FBXO36: variants seen among roughly 807,000 people sequenced by gnomAD.
The protein encoded by FBXO36 is F-box protein 36.
Under a neutral mutation model 17.0 loss-of-function variants are expected in FBXO36, and 18 were observed. The ratio of observed to expected loss-of-function variants is 1.06; its 90% CI spans 0.73 to 1.57. The LOEUF (loss-of-function observed/expected upper bound fraction) is 1.57. Among genes scored for constraint, FBXO36 ranks in the 40% most tolerant of loss-of-function variants. The probability of loss-of-function intolerance (pLI) is 0.00; values close to 1 mark genes in which losing one functional copy is unlikely to be tolerated. For missense variants in FBXO36, 229 were observed against 221.9 expected (o/e 1.03, Z -0.20); for synonymous variants, 83 against 85.3 (o/e 0.97, Z 0.15).
At chr2:229,935,055 G>A (rs950494532) in intron 1 of FBXO36, among the ~76,000 whole-genome samples, 2 of 152,166 alleles carry the variant, frequency 1.3e-5, no homozygotes, top group Non-Finnish European at 2.9e-5. Context: ...ACCCTCAAAT[G>A]TGTTATATGC....
chr2:229,989,639 G>A (rs1473407850), intron 2 of FBXO36, among the ~76,000 whole-genome samples: 2 of 151,394 alleles, frequency 1.3e-5, no homozygotes, highest in Admixed American at 6.6e-5. Flanking sequence ...TCAGCTCACT[G>A]CAACCTCTGC....
rs5839351 is a variant in FBXO36, at chr2:230,011,598, C to CTTTTTTTTTTTTTTTT, written c.*716_*731dup. The CTTTTTTTTTTTTTTTT allele has an allele frequency of 9.6e-3, 1,187 of 123,086 alleles. No homozygotes were observed. The highest frequency in any genetic ancestry group is 0.012 in the Non-Finnish European group (771 of 61,762). 7.6% of individuals were successfully genotyped at this position (123,086 alleles called of 1,614,324 possible). ...AACCTATAAACATTTCTTTTCTTTT[C>CTTTTTTTTTTTTTTTT]TTTTTTTTTTTTTTTTTGTATTTTC... On this transcript the variant is annotated 3_prime_UTR_variant, in exon 4 of 4. Transcript: ENST00000283946.
In FBXO36 at chr2:229,924,925, C is replaced by T. The variant is rs578161946; in HGVS notation, c.96+2316C>T. Among the ~76,000 whole-genome samples, 13 of 152,120 alleles carry T rather than the reference C, an allele frequency of 8.5e-5. No homozygotes were observed. In the East Asian group the frequency reaches 2.3e-3, roughly 27 times the overall value. ...CTGGGATTACAGGCGCCCGCCACCA[C>T]GCCCGGCTAATTTTTTGTATTTTTA... On this transcript the variant is annotated intron_variant, in intron 1 of 3. Transcript: ENST00000283946.
At chr2:229,961,659 C>A (rs2077122117) in intron 1 of FBXO36, among the ~76,000 whole-genome samples, 1 of 152,172 alleles carries the variant, frequency 6.6e-6, no homozygotes, top group South Asian at 2.1e-4. Flanking sequence ...CAGGCATGAG[C>A]CACTGCGCCC....
intron 1 of FBXO36, among the ~76,000 whole-genome samples, chr2:229,940,385 G>T (rs1426317423): frequency 6.6e-6 from 1 of 152,114 alleles, no homozygotes; most frequent in Non-Finnish European, 1.5e-5. Context: ...TAATAGTACC[G>T]CGGTGAGGAG....
intron 1 of FBXO36, among the ~76,000 whole-genome samples, chr2:229,965,081 A>AT (rs1030956495): frequency 4.1e-5 from 6 of 147,956 alleles, no homozygotes; most frequent in Non-Finnish European, 6.0e-5. Flanking sequence ...GGAATTCACC[A>AT]TTTTTTTCCA....
intron 1 of FBXO36, among the ~76,000 whole-genome samples, chr2:229,959,580 T>C (rs927744391): frequency 1.3e-5 from 2 of 152,144 alleles, no homozygotes; most frequent in African/African-American, 4.8e-5. Context: ...GCGCGGTGGC[T>C]CATGCCTGGA....
chr2:229,977,701 C>T (rs1402965662), intron 2 of FBXO36, among the ~76,000 whole-genome samples: 2 of 152,120 alleles, frequency 1.3e-5, no homozygotes, highest in African/African-American at 2.4e-5. Flanking sequence ...CCACCTGCCT[C>T]AGCCTCCCAG....
chr2:229,972,451 G>GA (rs1447890750), intron 1 of FBXO36, among the ~76,000 whole-genome samples: 2 of 152,028 alleles, frequency 1.3e-5, no homozygotes, highest in African/African-American at 4.8e-5. Context: ...GACAGCTGAT[G>GA]AAAAAAATAT....
intron 1 of FBXO36, among the ~76,000 whole-genome samples, chr2:229,946,464 G>T (rs1009402954): frequency 6.6e-6 from 1 of 152,164 alleles, no homozygotes; most frequent in African/African-American, 2.4e-5. Context: ...TGAGTTTGAG[G>T]AGAAAGCTTA....
chr2:229,934,854 C>T (rs2076956264), intron 1 of FBXO36, among the ~76,000 whole-genome samples: 1 of 152,194 alleles, frequency 6.6e-6, no homozygotes, highest in East Asian at 1.9e-4. Flanking sequence ...GGGGTTTCGC[C>T]ACGTTGGCCA....
chr2:229,952,963 A>C (rs989208162), intron 1 of FBXO36, among the ~76,000 whole-genome samples: 5 of 152,198 alleles, frequency 3.3e-5, no homozygotes, highest in Non-Finnish European at 7.4e-5. Context: ...GTTTTAGGAA[A>C]CATTTTCTCG....
chr2:229,962,638 G>A (rs2077129304), intron 1 of FBXO36, among the ~76,000 whole-genome samples: 1 of 151,506 alleles, frequency 6.6e-6, no homozygotes, highest in African/African-American at 2.4e-5. Flanking sequence ...CCAAAGTGCT[G>A]GGATTACAAG....
chr2:229,982,677 G>C (rs1398496739), intron 2 of FBXO36, among the ~76,000 whole-genome samples: 4 of 151,064 alleles, frequency 2.6e-5, no homozygotes, highest in Non-Finnish European at 5.9e-5. Flanking sequence ...CATGGTGGTG[G>C]GCACCTGTAA....
chr2:229,931,918 A>ATT (rs11441584), intron 1 of FBXO36, among the ~76,000 whole-genome samples: 55,439 of 142,544 alleles, frequency 0.39, 12,305 homozygotes, highest in Middle Eastern at 0.54. Flanking sequence ...ATATGTGTAT[A>ATT]TATTTTTTTT....
chr2:230,001,677 G>A (rs1577364065), intron 3 of FBXO36, among the ~76,000 whole-genome samples: 1 of 152,208 alleles, frequency 6.6e-6, no homozygotes, highest in Non-Finnish European at 1.5e-5. Context: ...CAAATTATTT[G>A]TGTCCAGTCC....
chr2:229,989,139 ATGATACTGATCTTTTT>A (rs2077285485), intron 2 of FBXO36, among the ~76,000 whole-genome samples: 1 of 152,218 alleles, frequency 6.6e-6, no homozygotes, highest in South Asian at 2.1e-4. Context: ...ATATAAAGAA[ATGATACTGATCTTTTT>A]TCAGTAGGAT....
At chr2:230,003,424 C>A (rs1159614760) in intron 3 of FBXO36, among the ~76,000 whole-genome samples, 1 of 152,066 alleles carries the variant, frequency 6.6e-6, no homozygotes, top group Non-Finnish European at 1.5e-5. Context: ...TAATGTCAGC[C>A]TACAGCTCCT....
At chr2:230,009,791 C>T (rs1171321190) in intron 3 of FBXO36, among the ~76,000 whole-genome samples, 1 of 151,320 alleles carries the variant, frequency 6.6e-6, no homozygotes, top group Non-Finnish European at 1.5e-5. Flanking sequence ...AAAAAAAATA[C>T]AAAAATTAGC....
Sources: allele counts gnomAD v4.1 joint callset (sites outside exome capture counted in the v4.1 genomes callset), GRCh38; gene constraint gnomAD v4.1.1; transcripts MANE v1.5; gene names NCBI Gene and HGNC (gene_info 2026-07-23, HGNC 2026-07-21).